The following HS3ST4 variants were observed in gnomAD, a reference collection of about 807,000 sequenced individuals.
The protein encoded by HS3ST4 is heparan sulfate-glucosamine 3-sulfotransferase 4, also known as heparan sulfate glucosamine 3-O-sulfotransferase 4.
In HS3ST4, 17 loss-of-function variants were observed where a neutral mutation model predicts 29.2. The observed-to-expected ratio is 0.58, with a 90% CI of 0.40 to 0.87. The LOEUF is 0.87. Ranked by LOEUF, HS3ST4 falls within the 40% of genes least tolerant of loss-of-function variation. The pLI is 0.00. For missense variants in HS3ST4, 627 were observed against 634.5 expected, an observed-to-expected ratio of 0.99 and a Z score of 0.13; for synonymous variants, 314 against 285.7, an observed-to-expected ratio of 1.10 and a Z score of -1.00.
At chr16:25,754,653 A>G (rs1966744535) in intron 1 of HS3ST4, among the ~76,000 whole-genome samples, 1 of 152,182 alleles carries the variant, frequency 6.6e-6, no homozygotes, top group Non-Finnish European at 1.5e-5. Context: ...AGGAGAGAGA[A>G]TAAGTGCCCA....
chr16:26,121,740 C>T (rs565973073), intron 1 of HS3ST4, among the ~76,000 whole-genome samples: 1 of 152,236 alleles, frequency 6.6e-6, no homozygotes, highest in African/African-American at 2.4e-5. Context: ...CACACTGAGA[C>T]CTCCATAATC....
intron 1 of HS3ST4, among the ~76,000 whole-genome samples, chr16:26,070,436 G>A (rs4787810): frequency 0.082 from 12,490 of 152,186 alleles, 707 homozygotes; most frequent in Admixed American, 0.18. Context: ...CTGAAATCCT[G>A]GGAGCATAGC....
chr16:25,879,723 G>A (rs1967873884), intron 1 of HS3ST4, among the ~76,000 whole-genome samples: 1 of 152,092 alleles, frequency 6.6e-6, no homozygotes, highest in African/African-American at 2.4e-5. Context: ...AAGTCTAAGG[G>A]TGATGTATTA....
At chr16:25,923,500 A>G (rs3924428) in intron 1 of HS3ST4, among the ~76,000 whole-genome samples, 11,776 of 152,228 alleles carry the variant, frequency 0.077, 577 homozygotes, top group Non-Finnish European at 0.096. Flanking sequence ...TGGCAGAATA[A>G]GAGTGAACAG....
intron 1 of HS3ST4, among the ~76,000 whole-genome samples, chr16:26,105,325 A>G (rs1899038602): frequency 6.6e-6 from 1 of 152,148 alleles, no homozygotes; most frequent in Non-Finnish European, 1.5e-5. Context: ...AATAGGAATG[A>G]TAGACACTGG....
intron 1 of HS3ST4, among the ~76,000 whole-genome samples, chr16:26,054,269 GGAGAGAGAGA>G (rs58364733): frequency 4.1e-4 from 55 of 133,646 alleles, no homozygotes; most frequent in Non-Finnish European, 7.7e-4. Context: ...ACAGAGAGAG[GGAGAGAGAGA>G]GAGAGAGAGA....
intron 1 of HS3ST4, among the ~76,000 whole-genome samples, chr16:25,726,965 G>A (rs1419894881): frequency 6.6e-6 from 1 of 152,076 alleles, no homozygotes; most frequent in African/African-American, 2.4e-5. Context: ...ATTCTCAGAA[G>A]GGGTGTGGAT....
chr16:25,946,918 G>A (rs1283563624), intron 1 of HS3ST4, among the ~76,000 whole-genome samples: 1 of 152,150 alleles, frequency 6.6e-6, no homozygotes, highest in Non-Finnish European at 1.5e-5. Flanking sequence ...AGTGTGATTG[G>A]GAGCAGCATG....
intron 1 of HS3ST4, among the ~76,000 whole-genome samples, chr16:25,957,602 G>A (rs1346943483): frequency 6.6e-6 from 1 of 152,070 alleles, no homozygotes; most frequent in African/African-American, 2.4e-5. Flanking sequence ...TATTTTTAGT[G>A]GAGATGGGGT....
intron 1 of HS3ST4, among the ~76,000 whole-genome samples, chr16:26,050,436 G>C (rs1217367259): frequency 2.0e-5 from 3 of 152,100 alleles, no homozygotes; most frequent in African/African-American, 7.2e-5. Flanking sequence ...AAACAGGATT[G>C]AACATGTCCA....
intron 1 of HS3ST4, chr16:26,029,024 A>G (rs778998382): frequency 6.6e-6 from 1 of 152,322 alleles, no homozygotes; most frequent in Middle Eastern, 3.4e-3. Context: ...GTGTCAGAAA[A>G]TTTTAGGTTT....
At chr16:26,037,627 A>G (rs1394466854) in intron 1 of HS3ST4, among the ~76,000 whole-genome samples, 2 of 152,238 alleles carry the variant, frequency 1.3e-5, no homozygotes, top group South Asian at 2.1e-4. Context: ...CTTCCAGGCC[A>G]TTATGAACAT....
At chr16:25,788,692 C>A (rs1966861866) in intron 1 of HS3ST4, among the ~76,000 whole-genome samples, 1 of 151,618 alleles carries the variant, frequency 6.6e-6, no homozygotes. Flanking sequence ...AGGCATGCAC[C>A]ACCACACTGG....
intron 1 of HS3ST4, among the ~76,000 whole-genome samples, chr16:26,078,383 C>T (rs757362838): frequency 1.4e-4 from 22 of 152,128 alleles, no homozygotes; most frequent in Non-Finnish European, 2.4e-4. Flanking sequence ...CTCCTGACTT[C>T]GTGATTCAGC....
chr16:26,018,741 G>C (rs1969383889), intron 1 of HS3ST4, among the ~76,000 whole-genome samples: 1 of 151,820 alleles, frequency 6.6e-6, no homozygotes, highest in African/African-American at 2.4e-5. Context: ...CATCGTGTTT[G>C]GCTTACAGTA....
At chr16:25,998,445 A>T (rs544981781) in intron 1 of HS3ST4, among the ~76,000 whole-genome samples, 1 of 152,184 alleles carries the variant, frequency 6.6e-6, no homozygotes, top group Non-Finnish European at 1.5e-5. Context: ...AGTCATATTG[A>T]GTTAGTCGTT....
At chr16:25,980,283 C>T (rs1968990904) in intron 1 of HS3ST4, among the ~76,000 whole-genome samples, 3 of 152,212 alleles carry the variant, frequency 2.0e-5, no homozygotes, top group African/African-American at 7.2e-5. Context: ...TCTCAGCCCT[C>T]TTCCTGGGAC....
chr16:25,941,345 G>A (rs1176713802), intron 1 of HS3ST4, among the ~76,000 whole-genome samples: 9 of 151,942 alleles, frequency 5.9e-5, no homozygotes, highest in Admixed American at 5.9e-4. Context: ...TTTTAGTAGA[G>A]ACGAGGTTTC....
At chr16:25,698,136 G>A (rs920184313) in intron 1 of HS3ST4, among the ~76,000 whole-genome samples, 1 of 151,848 alleles carries the variant, frequency 6.6e-6, no homozygotes, top group African/African-American at 2.4e-5. Flanking sequence ...TCACTTTGTT[G>A]CCCAGGCTGG....
Sources: allele counts gnomAD v4.1 joint callset (sites outside exome capture counted in the v4.1 genomes callset), GRCh38; gene constraint gnomAD v4.1.1; transcripts MANE v1.5; gene names NCBI Gene and HGNC (gene_info 2026-07-23, HGNC 2026-07-21).